The following NRG1 variants were observed in gnomAD, a reference collection of about 807,000 sequenced individuals.
NRG1 encodes pro-neuregulin-1, membrane-bound isoform.
NRG1 carries 18 observed loss-of-function variants against 63.8 expected under a neutral mutation model. That is an observed-to-expected ratio of 0.28 (90% confidence interval 0.19 to 0.42). The LOEUF (loss-of-function observed/expected upper bound fraction) is 0.42. Among genes scored for constraint, NRG1 ranks in the 10% least tolerant of loss-of-function variants. The pLI is 1.00. For missense variants in NRG1, 762 were observed against 814.7 expected (o/e 0.94, Z 0.79); for synonymous variants, 302 against 301.3 (o/e 1.00, Z -0.02).
intron 1 of NRG1, among the ~76,000 whole-genome samples, chr8:31,934,415 G>GCT (rs371787506): frequency 0.72 from 76,774 of 106,598 alleles, 28,443 homozygotes; most frequent in Non-Finnish European, 0.8. Flanking sequence ...CCCTTTATTC[G>GCT]CTCTCTTTTT....
intron 1 of NRG1, among the ~76,000 whole-genome samples, chr8:32,161,589 A>G (rs1838838137): frequency 6.6e-6 from 1 of 151,606 alleles, no homozygotes; most frequent in Non-Finnish European, 1.5e-5. Flanking sequence ...CACTGTTTTT[A>G]TGATTTAGCC....
intron 1 of NRG1, among the ~76,000 whole-genome samples, chr8:31,729,122 C>A (rs1474827057): frequency 6.6e-6 from 1 of 152,000 alleles, no homozygotes; most frequent in African/African-American, 2.4e-5. Flanking sequence ...AAATGGTGCC[C>A]AGGCAGTTTG....
chr8:31,698,421 A>G (rs986026180), intron 1 of NRG1, among the ~76,000 whole-genome samples: 1 of 152,194 alleles, frequency 6.6e-6, no homozygotes, highest in South Asian at 2.1e-4. Flanking sequence ...AATAAACAAC[A>G]TGTTAAAAAT....
At chr8:32,005,391 G>C (rs1813609872) in intron 1 of NRG1, among the ~76,000 whole-genome samples, 1 of 151,978 alleles carries the variant, frequency 6.6e-6, no homozygotes, top group African/African-American at 2.4e-5. Context: ...GTAGTACATA[G>C]ATAATTACAT....
intron 7 of NRG1, among the ~76,000 whole-genome samples, chr8:32,745,675 G>GGGGTGTGTGT (rs1554661331): frequency 3.3e-5 from 5 of 151,182 alleles, no homozygotes; most frequent in African/African-American, 9.7e-5. Context: ...GTGTGTGGGG[G>GGGGTGTGTGT]GTGTGTGTGT....
intron 1 of NRG1, among the ~76,000 whole-genome samples, chr8:31,973,515 A>G (rs1222869561): frequency 6.6e-6 from 1 of 152,200 alleles, no homozygotes; most frequent in Non-Finnish European, 1.5e-5. Flanking sequence ...ATGGAAAATC[A>G]AGGCTCCGTA....
At chr8:31,769,766 C>T (rs1818432250) in intron 1 of NRG1, among the ~76,000 whole-genome samples, 1 of 152,044 alleles carries the variant, frequency 6.6e-6, no homozygotes, top group African/African-American at 2.4e-5. Context: ...AAGAAAATAG[C>T]TCAGAGGCAA....
At chr8:31,870,497 C>A (rs1829381452) in intron 1 of NRG1, among the ~76,000 whole-genome samples, 1 of 151,964 alleles carries the variant, frequency 6.6e-6, no homozygotes, top group South Asian at 2.1e-4. Context: ...AATGAAAAAG[C>A]TCATTTTGTG....
chr8:32,428,739 C>T (rs1817740907), intron 1 of NRG1, among the ~76,000 whole-genome samples: 1 of 152,178 alleles, frequency 6.6e-6, no homozygotes, highest in Admixed American at 6.5e-5. Flanking sequence ...GCATCACTCC[C>T]TGATGGAAAC....
intron 1 of NRG1, among the ~76,000 whole-genome samples, chr8:31,733,240 C>T (rs1350145779): frequency 1.3e-5 from 2 of 150,252 alleles, no homozygotes; most frequent in Admixed American, 1.3e-4. Context: ...TAGGTTGATT[C>T]CATATTCTTT....
intron 1 of NRG1, among the ~76,000 whole-genome samples, chr8:32,434,453 A>G (rs897222574): frequency 1.3e-5 from 2 of 152,164 alleles, no homozygotes; most frequent in East Asian, 1.9e-4. Flanking sequence ...ACATGCTCCT[A>G]TACTTTACAT....
intron 1 of NRG1, among the ~76,000 whole-genome samples, chr8:31,738,466 A>G (rs934809722): frequency 1.3e-5 from 2 of 152,134 alleles, no homozygotes; most frequent in East Asian, 1.9e-4. Context: ...TTCTCAAAGC[A>G]TACATTGATT....
chr8:31,662,902 G>C (rs1806143571), intron 1 of NRG1, among the ~76,000 whole-genome samples: 1 of 152,156 alleles, frequency 6.6e-6, no homozygotes, highest in African/African-American at 2.4e-5. Context: ...TCCTCCTGCT[G>C]ATAAGATATT....
chr8:32,396,441 G>C (rs1357565422), intron 1 of NRG1, among the ~76,000 whole-genome samples: 1 of 151,976 alleles, frequency 6.6e-6, no homozygotes, highest in Non-Finnish European at 1.5e-5. Context: ...CGCCCAAATG[G>C]TACATTTATT....
chr8:32,718,066 C>T (rs1308223798), intron 5 of NRG1, among the ~76,000 whole-genome samples: 1 of 152,248 alleles, frequency 6.6e-6, no homozygotes, highest in East Asian at 1.9e-4. Flanking sequence ...TTAATGGGAT[C>T]CTTTATATCA....
chr8:32,760,125 A>G (rs1224189929), intron 10 of NRG1, 75 bp from the exon 11 acceptor site: 5 of 1,470,896 alleles, frequency 3.4e-6, no homozygotes, highest in Non-Finnish European at 4.7e-6. Context: ...GTCAGAATCC[A>G]TTCCTTTCAT....
At chr8:32,600,529 G>A (rs188732316) in intron 2 of NRG1, among the ~76,000 whole-genome samples, 4 of 152,162 alleles carry the variant, frequency 2.6e-5, no homozygotes, top group Admixed American at 2.6e-4. Context: ...TTGTAAGTGA[G>A]CACACAGTAA....
At chr8:32,584,425 A>T (rs1644167791) in intron 1 of NRG1, among the ~76,000 whole-genome samples, 2 of 152,180 alleles carry the variant, frequency 1.3e-5, no homozygotes, top group Admixed American at 6.5e-5. Context: ...GGTCCTTAGA[A>T]AGTCAAATGT....
chr8:32,644,785 G>A (rs1026273672), intron 5 of NRG1, among the ~76,000 whole-genome samples: 1 of 150,548 alleles, frequency 6.6e-6, no homozygotes, highest in East Asian at 1.9e-4. Flanking sequence ...GTAACAGCTA[G>A]AGCAATGCCC....
Sources: allele counts gnomAD v4.1 joint callset (sites outside exome capture counted in the v4.1 genomes callset), GRCh38; gene constraint gnomAD v4.1.1; transcripts MANE v1.5; gene names NCBI Gene and HGNC (gene_info 2026-07-23, HGNC 2026-07-21).